The following DGKB variants were observed in gnomAD, a reference collection of about 807,000 sequenced individuals.
The protein encoded by DGKB is diacylglycerol kinase beta.
Under a neutral mutation model 114.3 loss-of-function variants are expected in DGKB, and 67 were observed. The observed-to-expected ratio is 0.59, with a 90% CI of 0.48 to 0.72. The LOEUF is 0.72. Among genes scored for constraint, DGKB ranks in the 30% least tolerant of loss-of-function variants. The pLI is 0.00. For synonymous variants in DGKB, 398 were observed against 323.1 expected, an observed-to-expected ratio of 1.23 and a Z score of -2.49; for missense variants, 907 against 975.2, an observed-to-expected ratio of 0.93 and a Z score of 0.93.
intron 20 of DGKB, among the ~76,000 whole-genome samples, chr7:14,482,583 A>G (rs561473370): frequency 6.6e-6 from 1 of 152,240 alleles, no homozygotes; most frequent in African/African-American, 2.4e-5. Context: ...ACACTTTGTA[A>G]TACCACAAAG....
chr7:14,457,041 C>A (rs930780546), intron 21 of DGKB, among the ~76,000 whole-genome samples: 5 of 152,118 alleles, frequency 3.3e-5, no homozygotes, highest in African/African-American at 1.2e-4. Flanking sequence ...GTAGAAATGA[C>A]AGCATTAACT....
intron 20 of DGKB, among the ~76,000 whole-genome samples, chr7:14,539,340 C>G (rs1006847251): frequency 6.6e-5 from 10 of 152,074 alleles, no homozygotes; most frequent in African/African-American, 2.2e-4. Flanking sequence ...AAATAATGAA[C>G]CAAATCCCAC....
intron 21 of DGKB, among the ~76,000 whole-genome samples, chr7:14,424,211 G>C (rs1033120269): frequency 6.6e-6 from 1 of 151,926 alleles, no homozygotes; most frequent in African/African-American, 2.4e-5. Context: ...CTGAACCTCT[G>C]CTCTTTTTCT....
intron 20 of DGKB, among the ~76,000 whole-genome samples, chr7:14,493,236 T>C (rs2128937166): frequency 6.6e-6 from 1 of 152,178 alleles, no homozygotes. Flanking sequence ...ATACCATGTT[T>C]TCCCCTTATC....
chr7:14,421,984 T>C (rs925124057), intron 21 of DGKB, among the ~76,000 whole-genome samples: 3 of 151,972 alleles, frequency 2.0e-5, no homozygotes, highest in African/African-American at 7.2e-5. Flanking sequence ...CTCCTTAGTA[T>C]CCAAAAAAGC....
At chr7:14,186,919 A>T (rs981991168) in intron 23 of DGKB, among the ~76,000 whole-genome samples, 12 of 152,174 alleles carry the variant, frequency 7.9e-5, no homozygotes, top group Non-Finnish European at 1.8e-4. Flanking sequence ...TAGTGAGTGT[A>T]TACTGCTCAG....
chr7:14,674,313 CAAG>C (rs569581606), intron 12 of DGKB, among the ~76,000 whole-genome samples: 110 of 152,124 alleles, frequency 7.2e-4, no homozygotes, highest in African/African-American at 2.6e-3. Context: ...TGTCAAGAGG[CAAG>C]AAGTGTTGAA....
intron 19 of DGKB, among the ~76,000 whole-genome samples, chr7:14,576,474 T>C (rs868150199): frequency 6.6e-6 from 1 of 151,954 alleles, no homozygotes; most frequent in Admixed American, 6.6e-5. Context: ...ATTTTCCAAA[T>C]TCTGCTTTCA....
At chr7:14,704,124 A>G (rs948507234) in intron 6 of DGKB, among the ~76,000 whole-genome samples, 1 of 151,904 alleles carries the variant, frequency 6.6e-6, no homozygotes, top group Non-Finnish European at 1.5e-5. Context: ...TTTGAATTGA[A>G]TTGAATATAA....
chr7:14,769,252 AAGAAAGAAAGAAAGAAAGAAAGAAAG>A lies in DGKB; in HGVS notation c.71-11547_71-11522del, dbSNP rs1257540149. Among the ~76,000 whole-genome samples, 34 of 125,184 alleles carry A rather than the reference AAGAAAGAAAGAAAGAAAGAAAGAAAG, an allele frequency of 2.7e-4. 1 individual carries two copies. The South Asian group carries it at 5.2e-3, about 19-fold the overall frequency. The allele number at this position is 125,184 out of a possible 152,430, so 82.1% of individuals were successfully genotyped here. A position where few individuals can be genotyped will look rare whatever the true frequency, so the allele number is the denominator to read the frequency against. On this transcript the variant is annotated intron_variant, in intron 2 of 25. Coordinates refer to ENST00000402815, the MANE Select transcript of DGKB (RefSeq NM_001350709.2). ...AGAGAAAGAAAGAAAGAAAGAAAGA[AAGAAAGAAAGAAAGAAAGAAAGAAAG>A]AAAGATTTTGTAAAGGAGTTTAGTT... is the stretch of plus-strand genomic sequence containing the variant.
At chr7:14,563,027 G>A (rs1479734344) in intron 20 of DGKB, among the ~76,000 whole-genome samples, 4 of 152,116 alleles carry the variant, frequency 2.6e-5, no homozygotes, top group Admixed American at 2.0e-4. Context: ...TGAATCACAG[G>A]GGCAGGTCTT....
Position 14,314,319 on chromosome 7 carries a change from T to C in DGKB, c.2122+24196A>G, listed in dbSNP as rs1442445958. Among the ~76,000 whole-genome samples, 5 of 151,788 alleles carry C rather than the reference T, an allele frequency of 3.3e-5. 1 individual carries two copies. Among genetic ancestry groups the C allele is most frequent in the Admixed American group, 1.3e-4 (2 of 15,214 alleles). ...CGAGCTGAGAGAAGAAGGCTTCAGA[T>C]GATCAAATTACTCTGAGCTACGGGA... On this transcript the variant is annotated intron_variant, in intron 23 of 25. Transcript: ENST00000402815.
At chr7:14,549,724 C>T (rs929655809) in intron 20 of DGKB, among the ~76,000 whole-genome samples, 6 of 152,170 alleles carry the variant, frequency 3.9e-5, no homozygotes, top group African/African-American at 1.4e-4. Flanking sequence ...CATGGTGGCT[C>T]ACGCCTGTAA....
Position 14,553,865 on chromosome 7 carries a change from CTTTTTTTT to C in DGKB, c.1770+20339_1770+20346del, listed in dbSNP as rs58879064. Among the ~76,000 whole-genome samples, 237 of 71,240 alleles carry C rather than the reference CTTTTTTTT, an allele frequency of 3.3e-3. 1 individual carries two copies. The highest frequency in any genetic ancestry group is 0.018 in the Middle Eastern group (1 of 56). The allele number at this position is 71,240 out of a possible 152,430, so 46.7% of individuals were successfully genotyped here. A position where few individuals can be genotyped will look rare whatever the true frequency, so the allele number is the denominator to read the frequency against. ...ATATATTTGTGTGCTCCTTTACATG[CTTTTTTTT>C]TTTTTTTTTTTTTTTTTGAGACGGA... On this transcript the variant is annotated intron_variant, in intron 20 of 25. Coordinates refer to ENST00000402815, the MANE Select transcript of DGKB (RefSeq NM_001350709.2).
chr7:14,885,178 G>A (rs1040069395), intron 1 of DGKB, among the ~76,000 whole-genome samples: 6 of 151,906 alleles, frequency 3.9e-5, no homozygotes, highest in Non-Finnish European at 7.4e-5. Context: ...GTGTAGGAAG[G>A]AAAGGAGAGA....
chr7:14,156,387 C>T (rs970937677), intron 25 of DGKB, among the ~76,000 whole-genome samples: 2 of 152,070 alleles, frequency 1.3e-5, no homozygotes, highest in African/African-American at 4.8e-5. Flanking sequence ...TAAATGATTT[C>T]GGCTTTGTGG....
chr7:14,700,212 A>G (rs1036480811), intron 7 of DGKB, among the ~76,000 whole-genome samples: 1 of 131,190 alleles, frequency 7.6e-6, no homozygotes, highest in African/African-American at 2.8e-5. Flanking sequence ...TTGAAAAAAA[A>G]TTTTTTTTTT....
At chr7:14,506,227 C>T (rs1206210888) in intron 20 of DGKB, among the ~76,000 whole-genome samples, 1 of 152,130 alleles carries the variant, frequency 6.6e-6, no homozygotes. Flanking sequence ...TCCCACAAAT[C>T]AATAGATGTA....
chr7:14,747,188 C>CTTTTTTTTTTTTTTTTTTTTTTTTTT lies in DGKB; in HGVS notation c.168+6739_168+6740insAAAAAAAAAAAAAAAAAAAAAAAAAA. Reference sequence around the variant, plus strand: ...TTGCAATGTGGGAAAACACAAACCTCTTTTTTTTTTTTTTTTTTTCCTAAG... The same window carrying CTTTTTTTTTTTTTTTTTTTTTTTTTT: ...TTGCAATGTGGGAAAACACAAACCTCTTTTTTTTTTTTTTTTTTTTTTTTTTTTTTTTTTTTTTTTTTTTTCCTAAG... On this transcript the variant is annotated intron_variant, in intron 4 of 25. Transcript: ENST00000402815. Among the ~76,000 whole-genome samples, 2 of 124,176 alleles carry CTTTTTTTTTTTTTTTTTTTTTTTTTT rather than the reference C, an allele frequency of 1.6e-5. 1 individual carries two copies. The highest frequency in any genetic ancestry group is 6.5e-5 in the African/African-American group (2 of 30,724). The allele number at this position is 124,176 out of a possible 152,430, so 81.5% of individuals were successfully genotyped here.
Sources: allele counts gnomAD v4.1 joint callset (sites outside exome capture counted in the v4.1 genomes callset), GRCh38; gene constraint gnomAD v4.1.1; transcripts MANE v1.5; gene names NCBI Gene and HGNC (gene_info 2026-07-23, HGNC 2026-07-21).